ANKS1B: variants seen among roughly 807,000 people sequenced by gnomAD.
The protein encoded by ANKS1B is ankyrin repeat and sterile alpha motif domain-containing protein 1B.
ANKS1B carries 36 observed loss-of-function variants against 148.3 expected under a neutral mutation model. The observed-to-expected ratio is 0.24, with a 90% CI of 0.19 to 0.32. The LOEUF (loss-of-function observed/expected upper bound fraction) is 0.32, where lower values mean the gene tolerates loss of function less well. Ranked by LOEUF, ANKS1B falls within the 10% of genes least tolerant of loss-of-function variation. The pLI, the probability that ANKS1B is intolerant of heterozygous loss-of-function variation, is 1.00. For synonymous variants in ANKS1B, 542 were observed against 560.8 expected (o/e 0.97, Z 0.47); for missense variants, 1,157 against 1,542.6 (o/e 0.75, Z 4.19).
chr12:99,795,729 T>C (rs1228710797), intron 4 of ANKS1B, among the ~76,000 whole-genome samples: 3 of 151,994 alleles, frequency 2.0e-5, no homozygotes, highest in African/African-American at 4.8e-5. Context: ...AGCACCCCAG[T>C]GGATGTCTAA....
At chr12:99,257,388 CTTCAG>C (rs1386421251) in intron 12 of ANKS1B, among the ~76,000 whole-genome samples, 1 of 151,842 alleles carries the variant, frequency 6.6e-6, no homozygotes, top group Non-Finnish European at 1.5e-5. Context: ...CAAATGTATC[CTTCAG>C]TTCATCAATT....
chr12:99,624,395 T>C (rs1159109055), intron 9 of ANKS1B, among the ~76,000 whole-genome samples: 2 of 151,948 alleles, frequency 1.3e-5, no homozygotes, highest in Non-Finnish European at 2.9e-5. Flanking sequence ...AAAACAAAAG[T>C]TGACAATTGA....
chr12:99,939,551 G>A (rs2094865928), intron 1 of ANKS1B, among the ~76,000 whole-genome samples: 1 of 151,996 alleles, frequency 6.6e-6, no homozygotes, highest in African/African-American at 2.4e-5. Context: ...TCTTTCCATT[G>A]TTCTTCCAGA....
chr12:99,798,423 T>TAAAAAAAAAAAAAA (rs61020616), intron 4 of ANKS1B, among the ~76,000 whole-genome samples: 2 of 78,638 alleles, frequency 2.5e-5, no homozygotes, highest in Non-Finnish European at 5.6e-5. Context: ...CTCTTGGAAT[T>TAAAAAAAAAAAAAA]AAAAAAAAAA....
chr12:99,648,163 T>A (rs200084539), intron 9 of ANKS1B: 1 of 1,527,508 alleles, frequency 6.5e-7, no homozygotes, highest in Non-Finnish European at 8.8e-7. Context: ...CTGTCTTGAT[T>A]TAAAGGAAGA....
intron 9 of ANKS1B, among the ~76,000 whole-genome samples, chr12:99,558,074 A>C (rs1365344840): frequency 6.6e-6 from 1 of 152,182 alleles, no homozygotes; most frequent in South Asian, 2.1e-4. Context: ...ACAACGCTAC[A>C]ATGGAGAGTG....
At chr12:99,867,892 C>T (rs368625630) in intron 1 of ANKS1B, among the ~76,000 whole-genome samples, 18 of 152,282 alleles carry the variant, frequency 1.2e-4, no homozygotes, top group African/African-American at 4.3e-4. Flanking sequence ...AAATCCTAAT[C>T]GTGAACATGA....
At chr12:99,389,760 C>T (rs774973352) in intron 12 of ANKS1B, among the ~76,000 whole-genome samples, 11 of 151,976 alleles carry the variant, frequency 7.2e-5, no homozygotes, top group Non-Finnish European at 1.6e-4. Context: ...GAAGTTAAAG[C>T]AAGAGAAAAT....
intron 9 of ANKS1B, among the ~76,000 whole-genome samples, chr12:99,517,028 T>C (rs1271455582): frequency 1.3e-5 from 2 of 152,174 alleles, no homozygotes; most frequent in Non-Finnish European, 2.9e-5. Context: ...AATTTTAGAA[T>C]TGCATTTTCT....
chr12:98,762,443 A>G (rs2153443840), intron 25 of ANKS1B, among the ~76,000 whole-genome samples: 1 of 152,322 alleles, frequency 6.6e-6, no homozygotes, highest in Middle Eastern at 3.4e-3. Context: ...TCCATAACCC[A>G]CCAGCTAGAG....
chr12:99,850,971 C>T (rs888625435), intron 1 of ANKS1B, among the ~76,000 whole-genome samples: 3 of 151,972 alleles, frequency 2.0e-5, no homozygotes, highest in Non-Finnish European at 4.4e-5. Flanking sequence ...GTTTGACTTA[C>T]CATAAAAATC....
chr12:99,584,452 T>C (rs2097604739), intron 9 of ANKS1B, among the ~76,000 whole-genome samples: 1 of 151,678 alleles, frequency 6.6e-6, no homozygotes, highest in African/African-American at 2.4e-5. Context: ...ATACAAAAAT[T>C]AGTGGGTGTG....
intron 9 of ANKS1B, among the ~76,000 whole-genome samples, chr12:99,540,318 C>A (rs1332585315): frequency 6.6e-6 from 1 of 152,136 alleles, no homozygotes; most frequent in Non-Finnish European, 1.5e-5. Flanking sequence ...GTAGACCTAA[C>A]AGACATCTAT....
At chr12:99,139,440 T>TTTC (rs749940796) in intron 15 of ANKS1B, among the ~76,000 whole-genome samples, 3 of 4,732 alleles carry the variant, frequency 6.3e-4, no homozygotes, top group African/African-American at 5.1e-3. Context: ...CTTTCTTTCT[T>TTTC]TTTCTTTCTT....
chr12:99,925,731 G>C (rs2094464119), intron 1 of ANKS1B, among the ~76,000 whole-genome samples: 1 of 152,098 alleles, frequency 6.6e-6, no homozygotes, highest in Admixed American at 6.5e-5. Flanking sequence ...AAACAAACTA[G>C]TTTTACTTAT....
chr12:99,389,227 T>C (rs897292559), intron 12 of ANKS1B, among the ~76,000 whole-genome samples: 1 of 152,230 alleles, frequency 6.6e-6, no homozygotes, highest in African/African-American at 2.4e-5. Flanking sequence ...GCTGGCTCAC[T>C]GTGGCATGAC....
chr12:99,777,919 C>A (rs1240481567), intron 6 of ANKS1B, among the ~76,000 whole-genome samples: 4 of 151,634 alleles, frequency 2.6e-5, no homozygotes, highest in Non-Finnish European at 5.9e-5. Flanking sequence ...TGAGAGGCAG[C>A]CGGGCACGGT....
At chr12:99,925,197 A>G (rs2094454374) in intron 1 of ANKS1B, among the ~76,000 whole-genome samples, 1 of 152,224 alleles carries the variant, frequency 6.6e-6, no homozygotes, top group Non-Finnish European at 1.5e-5. Flanking sequence ...AGAAAGCCCT[A>G]GGAGCCAAAA....
At chr12:98,836,976 G>A (rs1004561412) in intron 17 of ANKS1B, among the ~76,000 whole-genome samples, 3 of 152,134 alleles carry the variant, frequency 2.0e-5, no homozygotes, top group Non-Finnish European at 1.5e-5. Context: ...CATTAACTAA[G>A]AAAAATTATT....
Sources: gnomAD v4.1 joint callset for allele counts (sites outside exome capture counted in the v4.1 genomes callset) on GRCh38, gnomAD v4.1.1 for gene constraint, MANE v1.5 for transcripts, NCBI Gene and HGNC (gene_info 2026-07-23, HGNC 2026-07-21) for gene names.